The following CNIH3 variants were observed in gnomAD, a reference collection of about 807,000 sequenced individuals.
CNIH3 encodes cornichon family AMPA receptor auxiliary protein 3, also known as protein cornichon homolog 3.
CNIH3 carries 14 observed loss-of-function variants against 24.1 expected under a neutral mutation model. The observed-to-expected ratio is 0.58, with a 90% confidence interval of 0.38 to 0.91. The LOEUF (loss-of-function observed/expected upper bound fraction) is 0.91. Ranked by LOEUF, CNIH3 falls within the 40% of genes least tolerant of loss-of-function variation. The probability of loss-of-function intolerance (pLI) is 0.00; values close to 1 mark genes in which losing one functional copy is unlikely to be tolerated. For missense variants in CNIH3, 178 were observed against 196.8 expected (o/e 0.90, Z 0.57); for synonymous variants, 68 against 73.8 (o/e 0.92, Z 0.40).
upstream of CNIH3, among the ~76,000 whole-genome samples, chr1:224,612,079 A>G (rs1306580470): frequency 6.6e-6 from 1 of 152,202 alleles, no homozygotes; most frequent in Non-Finnish European, 1.5e-5. The surrounding 1 kb of genome is among the most constrained non-coding windows in gnomAD (Gnocchi z 4.7). Flanking sequence ...AGGATAATGG[A>G]TTCCATTTTT....
chr1:224,636,292 T>C (rs555714854), intron 1 of CNIH3, among the ~76,000 whole-genome samples: 46 of 152,370 alleles, frequency 3.0e-4, no homozygotes, highest in African/African-American at 1.0e-3. Context: ...TACAGTCATG[T>C]AATCACATAG....
chr1:224,652,050 G>A (rs1268292726), intron 1 of CNIH3, among the ~76,000 whole-genome samples: 2 of 152,058 alleles, frequency 1.3e-5, no homozygotes, highest in Non-Finnish European at 1.5e-5. Context: ...ACACTCCTTA[G>A]CCAACCAGTG....
In CNIH3 at chr1:224,740,115, A is replaced by G. The variant is rs888124315; in HGVS notation, c.*759A>G. ...CAATTGGTCAATGCTAGTCAAAGCTATGTTCTTACAAAAACCCCAGACAGC... is the reference window on the plus strand; with the variant it reads ...CAATTGGTCAATGCTAGTCAAAGCTGTGTTCTTACAAAAACCCCAGACAGC... On this transcript the variant is annotated 3_prime_UTR_variant, in exon 6 of 6. Transcript: ENST00000272133. 3 of 152,280 alleles carry G rather than the reference A, an allele frequency of 2.0e-5. No individual in the cohort carries two copies. Among genetic ancestry groups the G allele is most frequent in the Non-Finnish European group, 2.9e-5 (2 of 68,076 alleles). The allele number at this position is 152,280 out of a possible 1,614,324, so 9.4% of individuals were successfully genotyped here.
intron 3 of CNIH3, among the ~76,000 whole-genome samples, chr1:224,707,370 C>A (rs1323132965): frequency 9.2e-5 from 14 of 152,148 alleles, no homozygotes; most frequent in Non-Finnish European, 1.2e-4. Flanking sequence ...AAACACACTT[C>A]AACCACCCTC....
At chr1:224,518,904 G>C (rs1449896694) in intron 1 of CNIH3, among the ~76,000 whole-genome samples, 1 of 152,158 alleles carries the variant, frequency 6.6e-6, no homozygotes, top group Non-Finnish European at 1.5e-5. Flanking sequence ...TAAGATCCAG[G>C]CTTGGTGCAA....
chr1:224,499,908 AAAAAAAG>A (rs1227327718), intron 1 of CNIH3, among the ~76,000 whole-genome samples: 3 of 151,844 alleles, frequency 2.0e-5, no homozygotes, highest in Non-Finnish European at 4.4e-5. Context: ...TACCAAAAAA[AAAAAAAG>A]AAAAAAGAAA....
intron 1 of CNIH3, among the ~76,000 whole-genome samples, chr1:224,450,308 G>A (rs560267888): frequency 2.0e-4 from 31 of 152,310 alleles, no homozygotes; most frequent in South Asian, 8.3e-4. Flanking sequence ...AACAGGAAAT[G>A]TATCAGGTGG....
intron 1 of CNIH3, among the ~76,000 whole-genome samples, chr1:224,509,775 C>G (rs1678065526): frequency 6.6e-6 from 1 of 152,364 alleles, no homozygotes; most frequent in East Asian, 1.9e-4. Context: ...CTCTGTGCCC[C>G]CCTCGCCTGA....
intron 1 of CNIH3, among the ~76,000 whole-genome samples, chr1:224,466,361 G>A (rs189678916): frequency 9.9e-5 from 15 of 152,254 alleles, no homozygotes; most frequent in Middle Eastern, 3.4e-3. Flanking sequence ...GTGTCATACA[G>A]TCTGTAGCTT....
chr1:224,486,653 T>C (rs1385241790), intron 1 of CNIH3, among the ~76,000 whole-genome samples: 1 of 152,226 alleles, frequency 6.6e-6, no homozygotes, highest in African/African-American at 2.4e-5. Flanking sequence ...ACTAGCATCA[T>C]GTAGTAAGAG....
chr1:224,721,026 A>C (rs1688695328), intron 3 of CNIH3, among the ~76,000 whole-genome samples: 2 of 151,926 alleles, frequency 1.3e-5, no homozygotes, highest in Admixed American at 1.3e-4. Context: ...GCCCTCCTTC[A>C]TTTCCTCACT....
chr1:224,441,577 C>A (rs1042089150), intron 1 of CNIH3, among the ~76,000 whole-genome samples: 2 of 152,206 alleles, frequency 1.3e-5, no homozygotes, highest in Non-Finnish European at 2.9e-5. Flanking sequence ...TTATGATAAT[C>A]ACAATAATCA....
In CNIH3 at chr1:224,442,013, ATTTTT is replaced by A. The variant is rs1167622615; in HGVS notation, n.203+7170_203+7174del. Among the ~76,000 whole-genome samples the A allele has an allele frequency of 8.3e-3, 991 of 119,980 alleles. 9 individuals carry two copies. Among genetic ancestry groups the A allele is most frequent in the Non-Finnish European group, 0.012 (720 of 58,038 alleles). 78.7% of individuals were successfully genotyped at this position (119,980 alleles called of 152,430 possible). On this transcript the variant is annotated intron_variant and non_coding_transcript_variant, in intron 1 of 5. Transcript: ENST00000471578. ...TTTGGGAGATTTATTGATTCCCTTA[ATTTTT>A]TTTTTTTTTTTTTTTTTTGAGACAG... is the stretch of plus-strand genomic sequence containing the variant.
chr1:224,577,255 A>G (rs928555091), intron 4 of CNIH3, among the ~76,000 whole-genome samples: 26 of 152,194 alleles, frequency 1.7e-4, no homozygotes, highest in African/African-American at 6.3e-4. Flanking sequence ...GAAATAATCA[A>G]CAGAGTAAAC....
chr1:224,594,994 T>C (rs1179055482), intron 3 of CNIH3, among the ~76,000 whole-genome samples: 1 of 152,234 alleles, frequency 6.6e-6, no homozygotes, highest in Non-Finnish European at 1.5e-5. Flanking sequence ...GTTGAGCAAG[T>C]CTGTCAGCAC....
intron 2 of CNIH3, among the ~76,000 whole-genome samples, chr1:224,530,041 C>G (rs945689616): frequency 3.9e-5 from 6 of 152,160 alleles, no homozygotes; most frequent in Non-Finnish European, 8.8e-5. Context: ...GCCCTTACAT[C>G]ATGCTGTGGA....
chr1:224,600,578 T>C (rs1682166735), intron 3 of CNIH3, among the ~76,000 whole-genome samples: 1 of 152,178 alleles, frequency 6.6e-6, no homozygotes, highest in African/African-American at 2.4e-5. Context: ...GGCACAATCA[T>C]AGTGCACTGC....
intron 3 of CNIH3, among the ~76,000 whole-genome samples, chr1:224,547,601 C>T (rs1679751663): frequency 6.6e-6 from 1 of 151,526 alleles, no homozygotes; most frequent in Non-Finnish European, 1.5e-5. Context: ...GATGTTACTC[C>T]TAATATCACA....
rs1372158964 is a variant in CNIH3 at position 224,684,725 on chromosome 1, G to A, written c.151-71G>A. Reference sequence around the variant, plus strand: ...TGCCTCCACTATTGGGGCTGATTGCGGGGCCTTCTCATGCTATTTTAGCAG... The same window carrying A: ...TGCCTCCACTATTGGGGCTGATTGCAGGGCCTTCTCATGCTATTTTAGCAG... On this transcript the variant is annotated intron_variant, in intron 2 of 5. Coordinates refer to ENST00000272133, the MANE Select transcript of CNIH3 (RefSeq NM_152495.2). The surrounding 1 kb of genome is among the most constrained non-coding windows in gnomAD (Gnocchi z 4.2). 11 of 1,384,070 alleles carry A rather than the reference G, an allele frequency of 7.9e-6. No individual in the cohort carries two copies. Among genetic ancestry groups the A allele is most frequent in the Middle Eastern group, 3.6e-4 (2 of 5,600 alleles). 85.7% of individuals were successfully genotyped at this position (1,384,070 alleles called of 1,614,324 possible). A position where few individuals can be genotyped will look rare whatever the true frequency, so the allele number is the denominator to read the frequency against.
Sources: gnomAD v4.1 joint callset for allele counts (sites outside exome capture counted in the v4.1 genomes callset) on GRCh38, gnomAD v4.1.1 for gene constraint, Gnocchi (gnomAD v3.1) non-coding constraint, MANE v1.5 for transcripts, NCBI Gene and HGNC (gene_info 2026-07-23, HGNC 2026-07-21) for gene names.